The following CREB5 variants were observed in gnomAD, a reference collection of about 807,000 sequenced individuals.
CREB5 encodes the protein cyclic AMP-responsive element-binding protein 5.
A neutral mutation model predicts 57.1 loss-of-function variants in CREB5; 19 were observed. That is an observed-to-expected ratio of 0.33 (90% CI 0.23 to 0.49). The LOEUF is 0.49. Ranked by LOEUF, CREB5 falls within the 20% of genes least tolerant of loss-of-function variation. CREB5 has a pLI of 0.99. For missense variants in CREB5, 579 were observed against 671.6 expected, an observed-to-expected ratio of 0.86 and a Z score of 1.52; for synonymous variants, 238 against 238.3, an observed-to-expected ratio of 1.00 and a Z score of 0.01.
chr7:28,590,866 T>G (rs954397026), intron 5 of CREB5, among the ~76,000 whole-genome samples: 16 of 152,160 alleles, frequency 1.1e-4, no homozygotes, highest in African/African-American at 3.6e-4. Context: ...ATCTGGCATA[T>G]AGCAAAAGTC....
rs770212651 is a variant in CREB5, at chr7:28,507,763, G to A, written c.291+26G>A. ...GTAGGTTTGCTTGGATGGCCGCCTTGAGAGGTGTCCTGCTAGAAACTTCCA... is the reference window on the plus strand; with the variant it reads ...GTAGGTTTGCTTGGATGGCCGCCTTAAGAGGTGTCCTGCTAGAAACTTCCA... On this transcript the variant is annotated intron_variant, in intron 4 of 10. Transcript: ENST00000357727. 3.2e-6 allele frequency: 5 copies of A among 1,580,016 alleles called. No individual in the cohort carries two copies. The South Asian group carries it at 4.6e-5, about 14-fold the overall frequency.
intron 4 of CREB5, among the ~76,000 whole-genome samples, chr7:28,560,885 T>TGTGCATGC: frequency 7.6e-5 from 2 of 26,490 alleles, no homozygotes; most frequent in South Asian, 3.4e-3. Context: ...CGTGCGTGCG[T>TGTGCATGC]GCGTGTGTGT....
chr7:28,554,600 A>C lies in CREB5; in HGVS notation c.292-15765A>C, dbSNP rs192763666. On this transcript the variant is annotated intron_variant, in intron 4 of 10. Transcript: ENST00000357727. ...TCCTAAGTTACCACTGAAACCTAAC[A>C]ATCAAATCTTGCATATTAAAAGTGT... 1.3e-4 allele frequency among the ~76,000 whole-genome samples: 20 copies of C among 152,286 alleles called. No individual in the cohort carries two copies. The East Asian group carries it at 3.7e-3, about 28-fold the overall frequency.
chr7:28,689,625 G>T (rs2128729303), intron 5 of CREB5, among the ~76,000 whole-genome samples: 1 of 152,244 alleles, frequency 6.6e-6, no homozygotes, highest in Non-Finnish European at 1.5e-5. Context: ...GTATGAACAA[G>T]CACATACAGT....
chr7:28,519,673 A>G (rs1364953957), intron 4 of CREB5, among the ~76,000 whole-genome samples: 1 of 152,206 alleles, frequency 6.6e-6, no homozygotes, highest in Non-Finnish European at 1.5e-5. Flanking sequence ...TGACCTCATT[A>G]AAGTAGTCCT....
chr7:28,430,195 G>A (rs566467692), intron 1 of CREB5, among the ~76,000 whole-genome samples: 74 of 152,120 alleles, frequency 4.9e-4, no homozygotes, highest in Middle Eastern at 3.4e-3. Flanking sequence ...ATTATTGATC[G>A]ATCGATGTGT....
chr7:28,643,752 G>T (rs77018930), intron 5 of CREB5, among the ~76,000 whole-genome samples: 6 of 18,298 alleles, frequency 3.3e-4, no homozygotes, highest in African/African-American at 9.2e-4. Context: ...TTTGGGAGGT[G>T]GGGGGGGGCG....
chr7:28,499,547 G>A (rs2128602083), intron 3 of CREB5, among the ~76,000 whole-genome samples: 1 of 152,286 alleles, frequency 6.6e-6, no homozygotes, highest in Non-Finnish European at 1.5e-5. Context: ...CATGTGGGAA[G>A]CCTAAGAAAG....
intron 1 of CREB5, among the ~76,000 whole-genome samples, chr7:28,440,532 C>T (rs950570899): frequency 6.6e-6 from 1 of 152,120 alleles, no homozygotes; most frequent in African/African-American, 2.4e-5. Context: ...CTGGCTTTTC[C>T]GTTTATCTTT....
intron 1 of CREB5, among the ~76,000 whole-genome samples, chr7:28,463,026 A>T (rs1327832051): frequency 1.3e-5 from 2 of 152,018 alleles, no homozygotes; most frequent in East Asian, 1.9e-4. Flanking sequence ...ATAAAGATTT[A>T]TGTCTATGAT....
chr7:28,427,801 TATA>T (rs1324923898), intron 1 of CREB5, among the ~76,000 whole-genome samples: 32 of 152,252 alleles, frequency 2.1e-4, no homozygotes, highest in African/African-American at 7.5e-4. Flanking sequence ...TTCCTGGGTT[TATA>T]ATATTATACA....
At chr7:28,359,471 A>G (rs942771112) in intron 1 of CREB5, among the ~76,000 whole-genome samples, 7 of 152,246 alleles carry the variant, frequency 4.6e-5, no homozygotes, top group African/African-American at 1.7e-4. Context: ...CAATGGGGAA[A>G]GGACAGTCTG....
In CREB5 at chr7:28,823,563, A is replaced by G. The variant is rs1408217462; in HGVS notation, c.*4284A>G. 1 of 152,542 alleles carries G rather than the reference A, an allele frequency of 6.6e-6. No homozygotes were observed. Among genetic ancestry groups the G allele is most frequent in the Non-Finnish European group, 1.5e-5 (1 of 68,024 alleles). 9.4% of individuals were successfully genotyped at this position (152,542 alleles called of 1,614,324 possible). On this transcript the variant is annotated 3_prime_UTR_variant, in exon 11 of 11. Transcript: ENST00000357727. ...TTATTGCTCTGTGAGTTATTTTTTA[A>G]TCAACATTCTGAACAGTTTTTTTTA...
chr7:28,551,442 C>G (rs1037982530), intron 4 of CREB5, among the ~76,000 whole-genome samples: 1 of 152,170 alleles, frequency 6.6e-6, no homozygotes, highest in Non-Finnish European at 1.5e-5. Flanking sequence ...CACACCTCCC[C>G]TCTGTAATTC....
In CREB5 at chr7:28,392,135, G is replaced by A. The variant is rs567962404; in HGVS notation, c.-25+92694G>A. Reference sequence around the variant, plus strand: ...TGGGGCCTACCTGAGGGTGGACGGAGGGAGGAAGGAGAGGATCAGGAAAAA... The same window carrying A: ...TGGGGCCTACCTGAGGGTGGACGGAAGGAGGAAGGAGAGGATCAGGAAAAA... On this transcript the variant is annotated intron_variant, in intron 1 of 9. Coordinates refer to the CREB5 transcript ENST00000396299. 3.9e-5 allele frequency among the ~76,000 whole-genome samples: 6 copies of A among 152,302 alleles called. No homozygotes were observed. In the East Asian group the frequency reaches 9.7e-4, roughly 25 times the overall value.
intron 1 of CREB5, among the ~76,000 whole-genome samples, chr7:28,305,047 T>C (rs1785159836): frequency 6.6e-6 from 1 of 152,228 alleles, no homozygotes; most frequent in Admixed American, 6.5e-5. Context: ...GTTTAGCTCC[T>C]CCAGCCTCTT....
At chr7:28,621,924 G>T (rs1797806412) in intron 5 of CREB5, among the ~76,000 whole-genome samples, 1 of 152,174 alleles carries the variant, frequency 6.6e-6, no homozygotes, top group Non-Finnish European at 1.5e-5. Flanking sequence ...TGATGGAAAA[G>T]ACTCACCCAA....
intron 7 of CREB5, among the ~76,000 whole-genome samples, chr7:28,794,065 T>A (rs1438762149): frequency 6.6e-6 from 1 of 152,260 alleles, no homozygotes; most frequent in Non-Finnish European, 1.5e-5. Context: ...TGCATTAGCA[T>A]GGATTTTCCA....
intron 1 of CREB5, among the ~76,000 whole-genome samples, chr7:28,343,601 C>T (rs1785978309): frequency 6.6e-6 from 1 of 152,170 alleles, no homozygotes; most frequent in African/African-American, 2.4e-5. Context: ...ACATATACCA[C>T]ATTTTCTTTA....
Sources: gnomAD v4.1 joint callset for allele counts (sites outside exome capture counted in the v4.1 genomes callset) on GRCh38, gnomAD v4.1.1 for gene constraint, MANE v1.5 for transcripts, NCBI Gene and HGNC (gene_info 2026-07-23, HGNC 2026-07-21) for gene names.